SPATA6: variants seen among roughly 807,000 people sequenced by gnomAD.
SPATA6 encodes the protein spermatogenesis-associated protein 6.
In SPATA6, 56 loss-of-function variants were observed where a neutral mutation model predicts 65.3. The observed-to-expected ratio is 0.86, with a 90% confidence interval of 0.69 to 1.07. SPATA6 has a LOEUF of 1.07. Among genes scored for constraint, SPATA6 ranks in the 50% least tolerant of loss-of-function variants. The probability of loss-of-function intolerance (pLI) is 0.00; values close to 1 mark genes in which losing one functional copy is unlikely to be tolerated. For synonymous variants in SPATA6, 199 were observed against 213.2 expected (o/e 0.93, Z 0.58); for missense variants, 590 against 594.8 (o/e 0.99, Z 0.08).
chr1:48,402,036 C>G (rs547055310), intron 6 of SPATA6, among the ~76,000 whole-genome samples: 1 of 152,210 alleles, frequency 6.6e-6, no homozygotes, highest in East Asian at 1.9e-4. Context: ...AACTCGAACC[C>G]AGATCTGTCT....
the SPATA6 span, among the ~76,000 whole-genome samples, chr1:48,270,287 T>C: frequency 6.6e-6 from 1 of 152,136 alleles, no homozygotes; most frequent in Non-Finnish European, 1.5e-5. Flanking sequence ...GATGAGATAA[T>C]CTCTTTGTTT....
rs1359900354 is a variant in SPATA6 at position 48,297,882 on chromosome 1, A to G, written c.*831T>C. 6.6e-6 allele frequency: 1 copy of G among 152,006 alleles called. No individual in the cohort carries two copies. Among genetic ancestry groups the G allele is most frequent in the African/African-American group, 2.4e-5 (1 of 41,412 alleles). 9.4% of individuals were successfully genotyped at this position (152,006 alleles called of 1,614,324 possible). On this transcript the variant is annotated 3_prime_UTR_variant, in exon 13 of 13. Transcript: ENST00000371847. Reference sequence around the variant, plus strand: ...ATACTATAATAGTGCCTTGGGCCATATGGTACTTACACAAATTCCAAGCAG... The same window carrying G: ...ATACTATAATAGTGCCTTGGGCCATGTGGTACTTACACAAATTCCAAGCAG...
intron 12 of SPATA6, among the ~76,000 whole-genome samples, chr1:48,303,512 A>G (rs886070940): frequency 2.0e-5 from 3 of 152,156 alleles, no homozygotes; most frequent in Admixed American, 2.0e-4. Context: ...ACAGATGAGA[A>G]CATGCAACAT....
intron 3 of SPATA6, among the ~76,000 whole-genome samples, chr1:48,438,322 C>A (rs994473857): frequency 2.6e-5 from 4 of 152,170 alleles, no homozygotes; most frequent in South Asian, 4.1e-4. Context: ...CTTTTGCTTA[C>A]TATTCTGTCC....
intron 5 of SPATA6, among the ~76,000 whole-genome samples, chr1:48,405,638 T>G (rs928995950): frequency 6.6e-6 from 1 of 152,172 alleles, no homozygotes; most frequent in Non-Finnish European, 1.5e-5. Flanking sequence ...TGGTTCTAGT[T>G]AATCAAAGGG....
chr1:48,398,516 G>A (rs1650822160), intron 7 of SPATA6, among the ~76,000 whole-genome samples: 1 of 151,644 alleles, frequency 6.6e-6, no homozygotes, highest in African/African-American at 2.4e-5. Flanking sequence ...TATTTTTATA[G>A]ATATCCCAAA....
chr1:48,346,705 T>C (rs1175754897), intron 11 of SPATA6, among the ~76,000 whole-genome samples: 1 of 151,926 alleles, frequency 6.6e-6, no homozygotes, highest in Admixed American at 6.6e-5. Flanking sequence ...AGGAATATAA[T>C]ACCCTTCACA....
At chr1:48,388,058 C>A (rs1383363497) in intron 8 of SPATA6, among the ~76,000 whole-genome samples, 16 of 152,090 alleles carry the variant, frequency 1.1e-4, no homozygotes. Context: ...AAAATTGCTG[C>A]CAGTGCACAC....
At chr1:48,317,182 A>C (rs1298371055) in intron 11 of SPATA6, among the ~76,000 whole-genome samples, 1 of 152,234 alleles carries the variant, frequency 6.6e-6, no homozygotes, top group African/African-American at 2.4e-5. Context: ...TACTGGGTAT[A>C]TACCCAAAGG....
At chr1:48,359,865 G>T in intron 9 of SPATA6, 95 bp from the exon 10 acceptor site, 1 of 929,024 alleles carries the variant, frequency 1.1e-6, no homozygotes, top group Non-Finnish European at 1.5e-6. Flanking sequence ...GTAGTCATAT[G>T]CATGTGCACA....
intron 11 of SPATA6, among the ~76,000 whole-genome samples, chr1:48,333,872 T>C (rs1645983892): frequency 6.6e-6 from 1 of 151,572 alleles, no homozygotes; most frequent in African/African-American, 2.4e-5. Context: ...CTTGAAAAAA[T>C]TAATAAGATA....
downstream of SPATA6, among the ~76,000 whole-genome samples, chr1:48,294,080 A>C (rs751268214): frequency 2.6e-5 from 4 of 151,652 alleles, no homozygotes; most frequent in Non-Finnish European, 5.9e-5. Flanking sequence ...TAGAAGGAGG[A>C]TTTCTTTCTT....
chr1:48,460,354 A>C (rs578254924), intron 1 of SPATA6, among the ~76,000 whole-genome samples: 48 of 152,332 alleles, frequency 3.2e-4, no homozygotes, highest in Admixed American at 2.6e-3. Context: ...AGCATTTGAC[A>C]AAATTTAAGC....
intron 11 of SPATA6, among the ~76,000 whole-genome samples, chr1:48,319,636 T>C (rs936241053): frequency 7.2e-5 from 11 of 152,128 alleles, no homozygotes; most frequent in Admixed American, 6.5e-5. Flanking sequence ...AAGGGATGAC[T>C]AAATAAGAGA....
chr1:48,306,431 G>A (rs1391741967), intron 11 of SPATA6, among the ~76,000 whole-genome samples: 1 of 151,930 alleles, frequency 6.6e-6, no homozygotes, highest in Non-Finnish European at 1.5e-5. Flanking sequence ...CCTTGTATGG[G>A]CAGCCTGTTC....
chr1:48,359,462 T>C (rs562347605), intron 10 of SPATA6, 124 bp downstream of exon 10: 1 of 1,103,090 alleles, frequency 9.1e-7, no homozygotes, highest in South Asian at 1.8e-5. Context: ...ACAAAAACAA[T>C]TTAAGCCTTT....
chr1:48,298,790 T>G lies in SPATA6; in HGVS notation c.1390A>C (p.Asn464His). 1 of 1,614,026 alleles carries G rather than the reference T, an allele frequency of 6.2e-7. No individual in the cohort carries two copies. The highest frequency in any genetic ancestry group is 1.1e-5 in the South Asian group (1 of 91,076). Residue 464 changes from asparagine (N) to histidine (H), a missense_variant, in exon 13 of 13, where the codon AAC becomes CAC. Coordinates refer to ENST00000371847, the MANE Select transcript of SPATA6 (RefSeq NM_019073.4). ...TTCCTGTACATCTTGTCCATGCTGT[T>G]CTCAAAGATGGGTCGGTGGGATTTT... ...KGKSHRPIFE[N>H]SMDKMYRNLY... is the part of the protein sequence containing the mutation.
At chr1:48,384,276 G>A (rs939354758) in intron 9 of SPATA6, among the ~76,000 whole-genome samples, 18 of 136,854 alleles carry the variant, frequency 1.3e-4, no homozygotes, top group Non-Finnish European at 3.1e-5. Context: ...AGTGAGCCGA[G>A]ATGGCAGCAG....
At chr1:48,428,803 G>GTATATATGTATATATA (rs1298151045) in intron 3 of SPATA6, among the ~76,000 whole-genome samples, 1 of 113,382 alleles carries the variant, frequency 8.8e-6, no homozygotes, top group Non-Finnish European at 1.9e-5. Context: ...GTGTGTGTGT[G>GTATATATGTATATATA]TGTGTGTATA....
Sources: gnomAD v4.1 joint callset for allele counts (sites outside exome capture counted in the v4.1 genomes callset) on GRCh38, gnomAD v4.1.1 for gene constraint, MANE v1.5 for transcripts, NCBI Gene and HGNC (gene_info 2026-07-23, HGNC 2026-07-21) for gene names.